Variants in DYM observed in about 807,000 individuals in gnomAD.
DYM encodes the protein dymeclin.
In DYM, 78 loss-of-function variants were observed where a neutral mutation model predicts 93.1. The observed-to-expected ratio is 0.84, with a 90% CI of 0.70 to 1.01. The LOEUF is 1.01. Among genes scored for constraint, DYM ranks in the 50% least tolerant of loss-of-function variants. DYM has a pLI of 0.00. For synonymous variants in DYM, 321 were observed against 319.7 expected (o/e 1.00, Z -0.04); for missense variants, 789 against 845.0 (o/e 0.93, Z 0.82).
At chr18:49,356,509 C>T (rs2065578452) in intron 6 of DYM, among the ~76,000 whole-genome samples, 1 of 152,114 alleles carries the variant, frequency 6.6e-6, no homozygotes, top group Admixed American at 6.6e-5. Flanking sequence ...TGTAGTCACC[C>T]CCCAACCCTA....
intron 10 of DYM, among the ~76,000 whole-genome samples, chr18:49,274,177 C>G (rs545086347): frequency 6.6e-6 from 1 of 151,884 alleles, no homozygotes; most frequent in African/African-American, 2.4e-5. Flanking sequence ...CCCTATCTAC[C>G]CTGCCCAAAG....
chr18:49,379,580 A>G, intron 4 of DYM, 85 bp downstream of exon 4: 2 of 1,160,364 alleles, frequency 1.7e-6, no homozygotes, highest in Non-Finnish European at 1.3e-6. Flanking sequence ...TTTTCAAAAG[A>G]CCACAGTCCA....
At chr18:49,379,295 C>A (rs184466457) in intron 4 of DYM, among the ~76,000 whole-genome samples, 6 of 151,718 alleles carry the variant, frequency 4.0e-5, no homozygotes, top group African/African-American at 9.7e-5. Flanking sequence ...AAGAATATAA[C>A]GGAAATAACT....
chr18:49,171,063 A>C (rs1263095167), intron 14 of DYM, among the ~76,000 whole-genome samples: 1 of 152,204 alleles, frequency 6.6e-6, no homozygotes. Context: ...TGGCACAAGG[A>C]AACAAATCAG....
intron 8 of DYM, among the ~76,000 whole-genome samples, chr18:49,295,705 T>C (rs2060489815): frequency 6.6e-6 from 1 of 152,192 alleles, no homozygotes; most frequent in Non-Finnish European, 1.5e-5. Flanking sequence ...GCCAAACCGA[T>C]ATCCTAACTA....
At chr18:49,078,977 T>G (rs1159780847) in intron 17 of DYM, among the ~76,000 whole-genome samples, 1 of 152,222 alleles carries the variant, frequency 6.6e-6, no homozygotes, top group Non-Finnish European at 1.5e-5. Flanking sequence ...TGGTACTATG[T>G]TATACTTTGT....
At chr18:49,218,518 C>T (rs2093191673) in intron 13 of DYM, among the ~76,000 whole-genome samples, 1 of 152,198 alleles carries the variant, frequency 6.6e-6, no homozygotes, top group Admixed American at 6.5e-5. Context: ...GAGCTCTCCT[C>T]AGCAAATGTA....
intron 13 of DYM, among the ~76,000 whole-genome samples, chr18:49,221,198 A>T (rs1174629667): frequency 6.6e-6 from 1 of 152,098 alleles, no homozygotes; most frequent in Non-Finnish European, 1.5e-5. Flanking sequence ...AATCAAAACC[A>T]CAATGAGATA....
At chr18:49,235,503 A>G (rs563340832) in intron 13 of DYM, among the ~76,000 whole-genome samples, 1 of 152,232 alleles carries the variant, frequency 6.6e-6, no homozygotes, top group Non-Finnish European at 1.5e-5. Flanking sequence ...ACAGACTTTA[A>G]TAAGGCCTAT....
At chr18:49,196,254 G>A (rs962401684) in intron 14 of DYM, among the ~76,000 whole-genome samples, 2 of 152,242 alleles carry the variant, frequency 1.3e-5, no homozygotes, top group South Asian at 4.2e-4. Flanking sequence ...TTAAGACACA[G>A]TAGCTTTATA....
rs1443824178 is a variant in DYM at position 49,041,470 on chromosome 18, A to G, written c.*2585T>C. 6.6e-6 allele frequency: 1 copy of G among 152,242 alleles called. No homozygotes were observed. Among genetic ancestry groups the G allele is most frequent in the African/African-American group, 2.4e-5 (1 of 41,468 alleles). The allele number at this position is 152,242 out of a possible 1,614,324, so 9.4% of individuals were successfully genotyped here. A position where few individuals can be genotyped will look rare whatever the true frequency, so the allele number is the denominator to read the frequency against. ...ACTAATACTCAAAATTAATGCAAGT[A>G]TAATGAAAGTTTATCATTCAGATTT... is the stretch of plus-strand genomic sequence containing the variant. On this transcript the variant is annotated 3_prime_UTR_variant, in exon 18 of 18. Coordinates refer to ENST00000675505, the MANE Select transcript of DYM (RefSeq NM_001353214.3).
At chr18:49,123,558 T>C (rs1305399256) in intron 15 of DYM, among the ~76,000 whole-genome samples, 4 of 152,226 alleles carry the variant, frequency 2.6e-5, no homozygotes, top group Non-Finnish European at 4.4e-5. Flanking sequence ...TGGCCTACAG[T>C]AGCTGAGCTC....
At chr18:49,356,631 T>C (rs181065671) in intron 6 of DYM, among the ~76,000 whole-genome samples, 415 of 152,282 alleles carry the variant, frequency 2.7e-3, no homozygotes, top group Non-Finnish European at 3.9e-3. Context: ...TTGCCAACCA[T>C]GGGTCTCTCC....
intron 8 of DYM, among the ~76,000 whole-genome samples, chr18:49,310,184 G>A (rs1042880599): frequency 6.6e-6 from 1 of 152,196 alleles, no homozygotes; most frequent in African/African-American, 2.4e-5. Context: ...TGTAATGGCA[G>A]TTTTATTATT....
At chr18:49,050,520 T>C (rs1454715529) in intron 17 of DYM, among the ~76,000 whole-genome samples, 2 of 152,164 alleles carry the variant, frequency 1.3e-5, no homozygotes, top group Non-Finnish European at 2.9e-5. Context: ...ACCATCTTCC[T>C]GTAAGATCGT....
At chr18:49,080,869 C>G (rs1485303820) in intron 17 of DYM, among the ~76,000 whole-genome samples, 4 of 150,684 alleles carry the variant, frequency 2.7e-5, no homozygotes, top group African/African-American at 9.8e-5. Flanking sequence ...GACGGGGTGG[C>G]GGCCGGGCAG....
At position 49,361,351 on chromosome 18, in the gene DYM, C is replaced by T. The variant is rs374389890; in HGVS notation, c.494+1810G>A. On this transcript the variant is annotated intron_variant, in intron 6 of 17. Transcript: ENST00000675505. Reference sequence around the variant, plus strand: ...TAGATGCTGCATTCATGTACGACAGCAGCCTGGAGCCTATTTTCTCACAAA... The same window carrying T: ...TAGATGCTGCATTCATGTACGACAGTAGCCTGGAGCCTATTTTCTCACAAA... 2.0e-5 allele frequency among the ~76,000 whole-genome samples: 3 copies of T among 152,224 alleles called. No individual in the cohort carries two copies. The East Asian group carries it at 5.8e-4, about 29-fold the overall frequency.
intron 17 of DYM, among the ~76,000 whole-genome samples, chr18:49,066,714 CT>C (rs888221441): frequency 1.3e-4 from 19 of 146,418 alleles, no homozygotes; most frequent in East Asian, 2.0e-4. Flanking sequence ...AATTTGGATT[CT>C]TTTTTTTTTT....
chr18:49,068,265 G>A (rs557741604), intron 17 of DYM, among the ~76,000 whole-genome samples: 1 of 152,198 alleles, frequency 6.6e-6, no homozygotes, highest in Non-Finnish European at 1.5e-5. Context: ...CCAGCCTGGT[G>A]ACCTTGGATG....
Sources: allele counts gnomAD v4.1 joint callset (sites outside exome capture counted in the v4.1 genomes callset), GRCh38; gene constraint gnomAD v4.1.1; transcripts MANE v1.5; gene names NCBI Gene and HGNC (gene_info 2026-07-23, HGNC 2026-07-21).